Variants in PCTP observed in about 807,000 individuals in gnomAD.
PCTP encodes START domain-containing protein 2.
In PCTP, 27 loss-of-function variants were observed where a neutral mutation model predicts 31.0. The observed-to-expected ratio is 0.87, with a 90% confidence interval of 0.64 to 1.20. The LOEUF (loss-of-function observed/expected upper bound fraction) is 1.20. PCTP is among the 50% of genes most tolerant of loss of function. PCTP has a pLI of 0.00. For missense variants in PCTP, 287 were observed against 268.2 expected, an observed-to-expected ratio of 1.07 and a Z score of -0.49; for synonymous variants, 108 against 101.2, an observed-to-expected ratio of 1.07 and a Z score of -0.40.
intron 3 of PCTP, among the ~76,000 whole-genome samples, chr17:55,793,870 T>C (rs898457374): frequency 2.0e-5 from 3 of 152,110 alleles, no homozygotes; most frequent in Non-Finnish European, 4.4e-5. Flanking sequence ...CCTTAGAAGT[T>C]ATATCAATCA....
intron 3 of PCTP, among the ~76,000 whole-genome samples, chr17:55,818,445 T>TA (rs1004151097): frequency 6.6e-6 from 1 of 152,226 alleles, no homozygotes; most frequent in African/African-American, 2.4e-5. Flanking sequence ...TGCAGATCTG[T>TA]AAAAAATTCT....
intron 3 of PCTP, among the ~76,000 whole-genome samples, chr17:55,819,922 A>G (rs1227184425): frequency 6.6e-6 from 1 of 152,218 alleles, no homozygotes; most frequent in Non-Finnish European, 1.5e-5. Flanking sequence ...CAATGGGGGA[A>G]GAATAATCTT....
intron 3 of PCTP, among the ~76,000 whole-genome samples, chr17:55,822,460 A>T (rs1467820356): frequency 6.6e-6 from 1 of 152,186 alleles, no homozygotes; most frequent in Non-Finnish European, 1.5e-5. Flanking sequence ...AGGCATGGTT[A>T]CCCTTTTGTG....
chr17:55,811,698 C>G (rs1415233779), intron 3 of PCTP, among the ~76,000 whole-genome samples: 1 of 152,238 alleles, frequency 6.6e-6, no homozygotes, highest in Non-Finnish European at 1.5e-5. Flanking sequence ...CCAAAACACA[C>G]TTGGGTGATA....
chr17:55,778,050 A>G (rs1280425116), downstream of PCTP, among the ~76,000 whole-genome samples: 1 of 152,194 alleles, frequency 6.6e-6, no homozygotes, highest in Non-Finnish European at 1.5e-5. Flanking sequence ...CTGAGTTTCT[A>G]GGTAAGGTAC....
chr17:55,762,530 CA>C (rs1258836881), intron 1 of PCTP, among the ~76,000 whole-genome samples: 1 of 151,802 alleles, frequency 6.6e-6, no homozygotes, highest in Non-Finnish European at 1.5e-5. Context: ...ACCACTATGT[CA>C]ATTAGGATTG....
intron 3 of PCTP, among the ~76,000 whole-genome samples, chr17:55,795,435 G>A (rs1267842148): frequency 6.6e-6 from 1 of 152,038 alleles, no homozygotes; most frequent in East Asian, 1.9e-4. Context: ...GGGGTTGCAT[G>A]TGTTGCCCAG....
chr17:55,776,731 A>AT lies in PCTP; in HGVS notation c.*632dup, dbSNP rs777757590. On this transcript the variant is annotated 3_prime_UTR_variant, in exon 6 of 6. Coordinates refer to ENST00000268896, the MANE Select transcript of PCTP (RefSeq NM_021213.4). ...TTGTGGAGGATCAGTAGCTGTTATG[A>AT]TGCCAGACCATTTGGAGAAGTATCA... 4 of 1,181,124 alleles carry AT rather than the reference A, an allele frequency of 3.4e-6. No homozygotes were observed. The highest frequency in any genetic ancestry group is 4.2e-6 in the Non-Finnish European group (4 of 955,970). The allele number at this position is 1,181,124 out of a possible 1,614,324, so 73.2% of individuals were successfully genotyped here. A position where few individuals can be genotyped will look rare whatever the true frequency, so the allele number is the denominator to read the frequency against.
intron 3 of PCTP, among the ~76,000 whole-genome samples, chr17:55,802,992 A>G (rs1158658373): frequency 1.3e-5 from 2 of 152,230 alleles, no homozygotes; most frequent in African/African-American, 2.4e-5. Flanking sequence ...CCTTAAGCTG[A>G]TAAGCAACTT....
chr17:55,753,486 A>T (rs34347468), intron 1 of PCTP, among the ~76,000 whole-genome samples: 17,265 of 152,216 alleles, frequency 0.11, 1,112 homozygotes, highest in African/African-American at 0.17. Flanking sequence ...TACTATGATG[A>T]TCACCTTTTT....
chr17:55,771,893 G>T (rs1178859607), intron 3 of PCTP, among the ~76,000 whole-genome samples: 1 of 152,110 alleles, frequency 6.6e-6, no homozygotes, highest in Non-Finnish European at 1.5e-5. Context: ...CCTTCACCAT[G>T]CTCTTCAATC....
intron 1 of PCTP, among the ~76,000 whole-genome samples, chr17:55,764,894 A>G: frequency 6.6e-6 from 1 of 152,222 alleles, no homozygotes; most frequent in East Asian, 1.9e-4. Flanking sequence ...AATTAATCTA[A>G]TAGCCATTGC....
In PCTP at chr17:55,776,951, TGTGAAAAA is replaced by T; in HGVS notation, c.*854_*861del. On this transcript the variant is annotated 3_prime_UTR_variant, in exon 6 of 6. Coordinates refer to ENST00000268896, the MANE Select transcript of PCTP (RefSeq NM_021213.4). ...AGCAAAGATGCTTTGTGCATAGCCT[TGTGAAAAA>T]GTATCTTTCTATGCAATAAGATGAA... 1.0e-6 allele frequency: 1 copy of T among 986,284 alleles called. No individual in the cohort carries two copies. The highest frequency in any genetic ancestry group is 1.2e-6 in the Non-Finnish European group (1 of 830,520). The allele number at this position is 986,284 out of a possible 1,614,324, so 61.1% of individuals were successfully genotyped here.
At chr17:55,789,194 A>G (rs976841380) in intron 3 of PCTP, among the ~76,000 whole-genome samples, 2 of 152,134 alleles carry the variant, frequency 1.3e-5, no homozygotes, top group African/African-American at 4.8e-5. Context: ...CTCACACATC[A>G]CCATTATTTC....
intron 2 of PCTP, among the ~76,000 whole-genome samples, chr17:55,786,099 A>G (rs1389916709): frequency 1.3e-5 from 2 of 152,214 alleles, no homozygotes; most frequent in Non-Finnish European, 2.9e-5. Flanking sequence ...CCTGGCCAAC[A>G]TGGCAAAACC....
chr17:55,772,881 T>C (rs1400024064), intron 3 of PCTP, among the ~76,000 whole-genome samples: 1 of 152,192 alleles, frequency 6.6e-6, no homozygotes, highest in African/African-American at 2.4e-5. Context: ...TGAGCCTCAC[T>C]TTTGTCATCT....
At chr17:55,820,002 G>A (rs576476808) in intron 3 of PCTP, among the ~76,000 whole-genome samples, 32 of 152,204 alleles carry the variant, frequency 2.1e-4, no homozygotes, top group Non-Finnish European at 3.8e-4. Context: ...ACCTGCCACC[G>A]TATATAAAAA....
downstream of PCTP, among the ~76,000 whole-genome samples, chr17:55,781,399 G>GA (rs552282498): frequency 6.6e-6 from 1 of 152,196 alleles, no homozygotes; most frequent in Non-Finnish European, 1.5e-5. Flanking sequence ...CTTGGATTTA[G>GA]AAAAAACTTA....
chr17:55,780,889 C>T (rs531245574), downstream of PCTP, among the ~76,000 whole-genome samples: 9 of 152,074 alleles, frequency 5.9e-5, no homozygotes, highest in East Asian at 1.7e-3. Flanking sequence ...ATGATGAGAA[C>T]TGGAACAAAT....
Sources: allele counts gnomAD v4.1 joint callset (sites outside exome capture counted in the v4.1 genomes callset), GRCh38; gene constraint gnomAD v4.1.1; transcripts MANE v1.5; gene names NCBI Gene and HGNC (gene_info 2026-07-23, HGNC 2026-07-21).